The following ART4 variants were observed in gnomAD, a reference collection of about 807,000 sequenced individuals.
ART4 encodes the protein ecto-ADP-ribosyltransferase 4.
ART4 carries 14 observed loss-of-function variants against 24.2 expected under a neutral mutation model. That is an observed-to-expected ratio of 0.58 (90% CI 0.38 to 0.90). The LOEUF (loss-of-function observed/expected upper bound fraction) is 0.90. Ranked by LOEUF, ART4 falls within the 40% of genes least tolerant of loss-of-function variation. The pLI is 0.00. For synonymous variants in ART4, 145 were observed against 139.9 expected (o/e 1.04, Z -0.26); for missense variants, 356 against 366.6 (o/e 0.97, Z 0.24).
intron 2 of ART4, among the ~76,000 whole-genome samples, chr12:14,831,107 G>A (rs923823734): frequency 7.9e-5 from 12 of 151,938 alleles, no homozygotes; most frequent in African/African-American, 2.7e-4. Flanking sequence ...TATATGTTGA[G>A]CTTCCTGGAA....
intron 2 of ART4, among the ~76,000 whole-genome samples, chr12:14,833,656 A>G (rs775853334): frequency 6.6e-6 from 1 of 152,210 alleles, no homozygotes; most frequent in Non-Finnish European, 1.5e-5. Context: ...GCCTTAGGGT[A>G]TAAAGTCTGG....
Position 14,829,323 on chromosome 12 carries a change from G to C in ART4, c.*48C>G, listed in dbSNP as rs1046209291. On this transcript the variant is annotated 3_prime_UTR_variant, in exon 3 of 3. Transcript: ENST00000228936. ...TTCTAGCCAAAAGGCCAATAAAAAA[G>C]ATTTTATTTAAATATTTTTTTTAAA... 1 of 1,279,024 alleles carries C rather than the reference G, an allele frequency of 7.8e-7. No individual in the cohort carries two copies. Among genetic ancestry groups the C allele is most frequent in the Non-Finnish European group, 1.1e-6 (1 of 940,086 alleles). The allele number at this position is 1,279,024 out of a possible 1,614,324, so 79.2% of individuals were successfully genotyped here.
rs1340303835 is a variant in ART4 at position 14,828,779 on chromosome 12, A to G, written c.*592T>C. 1.3e-5 allele frequency: 2 copies of G among 152,236 alleles called. No homozygotes were observed. The highest frequency in any genetic ancestry group is 1.3e-4 in the Admixed American group (2 of 15,282). The allele number at this position is 152,236 out of a possible 1,614,324, so 9.4% of individuals were successfully genotyped here. ...TTCAGCTTTAGGCAAAGTTGGATCC[A>G]GAGGCTTATACATTCTCATCAGGTC... is the stretch of plus-strand genomic sequence containing the variant. On this transcript the variant is annotated 3_prime_UTR_variant, in exon 3 of 3. Transcript: ENST00000228936.
Position 14,828,529 on chromosome 12 carries a change from CTG to C in ART4, c.*840_*841del, listed in dbSNP as rs1320925555. ...AGAAAATTCACACCTTGGTTAATCT[CTG>C]GGGTTCAAAGCTTTTCTGTTTGGTG... is the stretch of plus-strand genomic sequence containing the variant. On this transcript the variant is annotated 3_prime_UTR_variant, in exon 3 of 3. Transcript: ENST00000228936. 2.6e-5 allele frequency: 4 copies of C among 152,182 alleles called. No individual in the cohort carries two copies. The highest frequency in any genetic ancestry group is 9.6e-5 in the African/African-American group (4 of 41,516). The allele number at this position is 152,182 out of a possible 1,614,324, so 9.4% of individuals were successfully genotyped here. A position where few individuals can be genotyped will look rare whatever the true frequency, so the allele number is the denominator to read the frequency against.
chr12:14,839,060 C>T (rs1950448958), intron 2 of ART4, among the ~76,000 whole-genome samples: 1 of 152,070 alleles, frequency 6.6e-6, no homozygotes. Context: ...TTTCCTGCTT[C>T]AGTTCATTTT....
rs1950373684 is a variant in ART4 at position 14,828,585 on chromosome 12, ATCT to A, written c.*783_*785del. ...AATTTGTCCTTTGCTTTCTAATTTA[ATCT>A]TCTTTGATTTGTTCCTATTTAGAAT... On this transcript the variant is annotated 3_prime_UTR_variant, in exon 3 of 3. Transcript: ENST00000228936. The A allele has an allele frequency of 6.6e-6, 1 of 151,104 alleles. No individual in the cohort carries two copies. The highest frequency in any genetic ancestry group is 2.4e-5 in the African/African-American group (1 of 40,880). The allele number at this position is 151,104 out of a possible 1,614,324, so 9.4% of individuals were successfully genotyped here. A position where few individuals can be genotyped will look rare whatever the true frequency, so the allele number is the denominator to read the frequency against.
At chr12:14,841,235 G>GT in intron 1 of ART4, 82 bp from the exon 2 acceptor site, 1 of 1,314,182 alleles carries the variant, frequency 7.6e-7, no homozygotes, top group Non-Finnish European at 1.0e-6. Flanking sequence ...CTCTATAAGG[G>GT]TAAGTCTTCT....
At chr12:14,830,558 T>A (rs1211262520) in intron 2 of ART4, among the ~76,000 whole-genome samples, 2 of 144,416 alleles carry the variant, frequency 1.4e-5, no homozygotes, top group Non-Finnish European at 3.0e-5. Context: ...TGTGTGTGTG[T>A]GTGTGTGTGT....
Position 14,840,687 on chromosome 12 carries a change from A to T in ART4, c.611T>A (p.Phe204Tyr), listed in dbSNP as rs771981484. The T allele has an allele frequency of 3.1e-6, 5 of 1,614,020 alleles. No individual in the cohort carries two copies. Among genetic ancestry groups the T allele is most frequent in the Non-Finnish European group, 4.2e-6 (5 of 1,180,018 alleles). The part of the protein sequence containing the change: ...FNAYTGATIR[F>Y]GQFLSTSLLK... ...GAGGGATGTGGAGAGGAATTGGCCA[A>T]ATCGAATGGTGGCCCCTGTGTAGGC... The change falls in exon 2 of 3, where the codon TTT (phenylalanine) becomes TAT (tyrosine). Residue 204 changes from phenylalanine (F) to tyrosine (Y), a missense_variant. Phe to Tyr is a conservative substitution (Grantham distance 22). Coordinates refer to ENST00000228936, the MANE Select transcript of ART4 (RefSeq NM_021071.4).
chr12:14,842,058 T>C (rs1157125565), intron 1 of ART4, among the ~76,000 whole-genome samples: 1 of 152,250 alleles, frequency 6.6e-6, no homozygotes, highest in African/African-American at 2.4e-5. Flanking sequence ...AGGACATTCC[T>C]TTCTAATGGG....
At chr12:14,839,766 T>C (rs1950453883) in intron 2 of ART4, among the ~76,000 whole-genome samples, 2 of 152,192 alleles carry the variant, frequency 1.3e-5, no homozygotes, top group African/African-American at 4.8e-5. Flanking sequence ...AGCAAGGTAT[T>C]CTTTGCTTAA....
At chr12:14,842,569 G>T (rs550110649) in intron 1 of ART4, among the ~76,000 whole-genome samples, 1 of 152,212 alleles carries the variant, frequency 6.6e-6, no homozygotes, top group Non-Finnish European at 1.5e-5. Flanking sequence ...TATGTACTCT[G>T]TCATCTCTTA....
intron 2 of ART4, among the ~76,000 whole-genome samples, chr12:14,832,252 T>G (rs1950401739): frequency 6.6e-6 from 1 of 152,206 alleles, no homozygotes. Context: ...TCGCTTTCTA[T>G]TATTTTTCTC....
chr12:14,841,175 G>A, intron 1 of ART4, 22 bp from the exon 2 acceptor site: 2 of 1,556,128 alleles, frequency 1.3e-6, no homozygotes, highest in Non-Finnish European at 1.7e-6. Context: ...GAAAAATCTT[G>A]AGTTTAATTT....
chr12:14,833,042 A>G (rs748017402), intron 2 of ART4, among the ~76,000 whole-genome samples: 2 of 152,122 alleles, frequency 1.3e-5, no homozygotes, highest in Non-Finnish European at 2.9e-5. Flanking sequence ...TTAGTTTTCT[A>G]TTCAACTATC....
chr12:14,836,575 G>A (rs547730096), intron 2 of ART4, among the ~76,000 whole-genome samples: 2 of 152,274 alleles, frequency 1.3e-5, no homozygotes, highest in South Asian at 2.1e-4. Context: ...AAAACCATAG[G>A]TAAGGGGGCA....
At chr12:14,832,505 T>C (rs896325075) in intron 2 of ART4, among the ~76,000 whole-genome samples, 16 of 152,344 alleles carry the variant, frequency 1.1e-4, no homozygotes, top group African/African-American at 3.8e-4. Context: ...CATCTTAGTA[T>C]GTACCACCTA....
At chr12:14,830,426 T>C (rs1950386379) in intron 2 of ART4, among the ~76,000 whole-genome samples, 1 of 151,392 alleles carries the variant, frequency 6.6e-6, no homozygotes, top group South Asian at 2.1e-4. Flanking sequence ...TCTAATTGCC[T>C]CAATATTTGC....
intron 2 of ART4, among the ~76,000 whole-genome samples, chr12:14,830,500 T>C (rs1950386594): frequency 6.8e-6 from 1 of 146,932 alleles, no homozygotes; most frequent in African/African-American, 2.5e-5. Context: ...TCACACAATA[T>C]ATACATTTTT....
Sources: gnomAD v4.1 joint callset for allele counts (sites outside exome capture counted in the v4.1 genomes callset) on GRCh38, gnomAD v4.1.1 for gene constraint, MANE v1.5 for transcripts, NCBI Gene and HGNC (gene_info 2026-07-23, HGNC 2026-07-21) for gene names.